Variants in CELF2 observed in about 807,000 individuals in gnomAD.
The protein encoded by CELF2 is CUG triplet repeat RNA-binding protein 2.
CELF2 carries 8 observed loss-of-function variants against 62.6 expected under a neutral mutation model. The ratio of observed to expected loss-of-function variants is 0.13; its 90% confidence interval spans 0.07 to 0.23. CELF2 has a LOEUF of 0.23. CELF2 is among the 10% of genes least tolerant of loss of function. CELF2 has a pLI of 1.00. For missense variants in CELF2, 333 were observed against 671.0 expected, an observed-to-expected ratio of 0.50 and a Z score of 5.56; for synonymous variants, 258 against 250.0, an observed-to-expected ratio of 1.03 and a Z score of -0.30.
At chr10:10,719,843 G>GCTTAC in the CELF2 span, among the ~76,000 whole-genome samples, 1 of 152,206 alleles carries the variant, frequency 6.6e-6, no homozygotes, top group Non-Finnish European at 1.5e-5. Context: ...CTCAGCAAAT[G>GCTTAC]TTAGCTATTG....
chr10:10,579,527 T>C, the CELF2 span, among the ~76,000 whole-genome samples: 1 of 152,144 alleles, frequency 6.6e-6, no homozygotes, highest in Non-Finnish European at 1.5e-5. Context: ...CGGGCTGTTA[T>C]ATACCATTGG....
chr10:10,641,531 C>G, the CELF2 span, among the ~76,000 whole-genome samples: 23 of 152,212 alleles, frequency 1.5e-4, no homozygotes, highest in South Asian at 6.2e-4. Flanking sequence ...ATTTCTGCCT[C>G]CTGGGTTCAA....
At chr10:11,161,262 A>G (rs1446343345) in intron 1 of CELF2, among the ~76,000 whole-genome samples, 3 of 152,236 alleles carry the variant, frequency 2.0e-5, no homozygotes, top group African/African-American at 2.4e-5. Context: ...GTCTTATTCC[A>G]TATGGCATCT....
intron 1 of CELF2, among the ~76,000 whole-genome samples, chr10:10,849,923 A>T (rs2059275585): frequency 6.6e-6 from 1 of 151,962 alleles, no homozygotes; most frequent in Non-Finnish European, 1.5e-5. Flanking sequence ...CAGGCAGATC[A>T]CAAGGTCAGG....
chr10:11,322,425 C>G (rs2095489727), intron 11 of CELF2, among the ~76,000 whole-genome samples: 1 of 152,218 alleles, frequency 6.6e-6, no homozygotes, highest in South Asian at 2.1e-4. Flanking sequence ...GATCACTGGT[C>G]ATTCTTCCTT....
intron 1 of CELF2, among the ~76,000 whole-genome samples, chr10:11,106,868 AC>A (rs900091963): frequency 1.2e-4 from 19 of 152,270 alleles, no homozygotes; most frequent in Admixed American, 1.2e-3. Flanking sequence ...TGTGCAGGCT[AC>A]TTCTCAGCTC....
the CELF2 span, among the ~76,000 whole-genome samples, chr10:10,480,735 T>A: frequency 6.6e-6 from 1 of 152,218 alleles, no homozygotes; most frequent in Non-Finnish European, 1.5e-5. Context: ...TGAAAATTGA[T>A]AACTAAAAAC....
At chr10:10,603,547 T>C in the CELF2 span, among the ~76,000 whole-genome samples, 1 of 152,126 alleles carries the variant, frequency 6.6e-6, no homozygotes, top group Non-Finnish European at 1.5e-5. Flanking sequence ...GGGGGCTAAT[T>C]ATCACAAAAG....
rs113353374 is a variant in CELF2 at position 11,305,031 on chromosome 10, C to T, written c.977-9108C>T. On this transcript the variant is annotated intron_variant, in intron 9 of 12. Coordinates refer to ENST00000633077, the MANE Select transcript of CELF2 (RefSeq NM_001326342.2). The surrounding 1 kb of genome is among the most constrained non-coding windows in gnomAD (Gnocchi z 4.8). ...AGAACGGGAATGCCTTTGTCAAACA[C>T]GCATCGGCATCTTCTGGTTCAACTC... Among the ~76,000 whole-genome samples, 4 of 149,472 alleles carry T rather than the reference C, an allele frequency of 2.7e-5. No individual in the cohort carries two copies. The highest frequency in any genetic ancestry group is 7.3e-5 in the African/African-American group (3 of 41,232).
chr10:10,975,753 C>G (rs1293405364), intron 2 of CELF2, among the ~76,000 whole-genome samples: 1 of 152,256 alleles, frequency 6.6e-6, no homozygotes, highest in Non-Finnish European at 1.5e-5. Context: ...CAAAGCTGGG[C>G]TTAACCCAGG....
intron 5 of CELF2, 80 bp from the exon 6 acceptor site, chr10:11,266,518 G>C: frequency 1.0e-6 from 1 of 1,002,740 alleles, no homozygotes; most frequent in South Asian, 1.3e-5. Flanking sequence ...CTCGTAGACT[G>C]TGTTGGTTTA....
the CELF2 span, among the ~76,000 whole-genome samples, chr10:10,558,602 A>T: frequency 6.6e-6 from 1 of 152,068 alleles, no homozygotes; most frequent in East Asian, 1.9e-4. Context: ...ATAGTTTCAG[A>T]AGGAATGGTA....
intron 2 of CELF2, among the ~76,000 whole-genome samples, chr10:11,173,360 A>G (rs2069653009): frequency 6.6e-6 from 1 of 152,226 alleles, no homozygotes; most frequent in Admixed American, 6.5e-5. Context: ...CTTTCGCTCC[A>G]GAGACCCCAG....
rs1358256417 is a variant in CELF2 at position 11,165,369 on chromosome 10, T to C, written c.75-117T>C. On this transcript the variant is annotated intron_variant, in intron 1 of 12. Transcript: ENST00000633077. This position sits in a 1 kb window ranked among gnomAD's most constrained non-coding sequence, Gnocchi z 7.4. ...AAATTTCTACGACTCATTAGGCACT[T>C]TGCCACTGCTCTTCTTCCTCCTCCT... 2.0e-6 allele frequency: 3 copies of C among 1,513,182 alleles called. No individual in the cohort carries two copies. The highest frequency in any genetic ancestry group is 2.6e-6 in the Non-Finnish European group (3 of 1,134,412). 93.7% of individuals were successfully genotyped at this position (1,513,182 alleles called of 1,614,324 possible). A position where few individuals can be genotyped will look rare whatever the true frequency, so the allele number is the denominator to read the frequency against.
chr10:10,812,831 C>G (rs1262445566), intron 1 of CELF2, among the ~76,000 whole-genome samples: 1 of 152,150 alleles, frequency 6.6e-6, no homozygotes, highest in African/African-American at 2.4e-5. Flanking sequence ...TAGGCAGGGT[C>G]AATGTCTGAT....
intron 1 of CELF2, among the ~76,000 whole-genome samples, chr10:11,045,466 T>C (rs2062645325): frequency 6.6e-6 from 1 of 152,206 alleles, no homozygotes; most frequent in Non-Finnish European, 1.5e-5. Flanking sequence ...TGTCCTTACC[T>C]GTAAAATGGG....
At chr10:10,620,450 C>CAAA in the CELF2 span, among the ~76,000 whole-genome samples, 938 of 88,004 alleles carry the variant, frequency 0.011, 45 homozygotes, top group Middle Eastern at 0.036. Context: ...GGCTCAGTCT[C>CAAA]AAAAAAAAAA....
the CELF2 span, among the ~76,000 whole-genome samples, chr10:10,546,621 C>T: frequency 6.6e-6 from 1 of 152,080 alleles, no homozygotes; most frequent in Non-Finnish European, 1.5e-5. Context: ...TGGACAATTA[C>T]GGGTCATAAT....
chr10:10,635,320 C>T, the CELF2 span, among the ~76,000 whole-genome samples: 10 of 152,146 alleles, frequency 6.6e-5, no homozygotes, highest in African/African-American at 2.4e-4. Context: ...AAAGAAATCC[C>T]TATTAAAGTC....
Sources: gnomAD v4.1 joint callset for allele counts (sites outside exome capture counted in the v4.1 genomes callset) on GRCh38, gnomAD v4.1.1 for gene constraint, Gnocchi (gnomAD v3.1) non-coding constraint, MANE v1.5 for transcripts, NCBI Gene and HGNC (gene_info 2026-07-23, HGNC 2026-07-21) for gene names.